The following WDR11 variants were observed in gnomAD, a reference collection of about 807,000 sequenced individuals.
The protein encoded by WDR11 is WD repeat domain 11, also known as WD repeat-containing protein 11.
WDR11 carries 83 observed loss-of-function variants against 151.2 expected under a neutral mutation model. The observed-to-expected ratio is 0.55, with a 90% CI of 0.46 to 0.66. The LOEUF (loss-of-function observed/expected upper bound fraction) is 0.66. WDR11 is among the 30% of genes least tolerant of loss of function. WDR11 has a pLI of 0.00. For missense variants in WDR11, 1,301 were observed against 1,480.9 expected (o/e 0.88, Z 1.99); for synonymous variants, 484 against 533.1 (o/e 0.91, Z 1.27).
At chr10:120,878,535 A>G (rs1181507829) in intron 12 of WDR11, 76 bp downstream of exon 12, 1 of 1,219,096 alleles carries the variant, frequency 8.2e-7, no homozygotes, top group Non-Finnish European at 1.2e-6. Context: ...GTTTGAAAGT[A>G]CTTCTTTCAC....
At chr10:120,891,774 A>C (rs1394685883) in intron 19 of WDR11, among the ~76,000 whole-genome samples, 1 of 152,200 alleles carries the variant, frequency 6.6e-6, no homozygotes, top group Non-Finnish European at 1.5e-5. Context: ...AGTTGCTGCT[A>C]ATGTTAGCAG....
chr10:120,895,358 A>C (rs1455698215), intron 19 of WDR11, among the ~76,000 whole-genome samples: 8 of 152,238 alleles, frequency 5.3e-5, no homozygotes, highest in Admixed American at 4.6e-4. Flanking sequence ...TGAAGGATGA[A>C]TAGAAAGAAA....
chr10:120,886,090 T>TA (rs1847206320), intron 15 of WDR11, 152 bp downstream of exon 15: 3 of 958,738 alleles, frequency 3.1e-6, no homozygotes, highest in Non-Finnish European at 4.7e-6. Flanking sequence ...CCCAGATTAC[T>TA]AAAAAGATAA....
At chr10:120,872,933 T>C (rs1846600057) in intron 10 of WDR11, among the ~76,000 whole-genome samples, 1 of 152,172 alleles carries the variant, frequency 6.6e-6, no homozygotes, top group Admixed American at 6.5e-5. Context: ...TTTGCATGAA[T>C]TCATTAATCT....
At chr10:120,900,428 G>A (rs1217224874) in intron 20 of WDR11, among the ~76,000 whole-genome samples, 2 of 152,118 alleles carry the variant, frequency 1.3e-5, no homozygotes, top group Non-Finnish European at 2.9e-5. Flanking sequence ...GTGTGAAGAG[G>A]GCAATGGAAG....
In WDR11 at chr10:120,899,829, A is replaced by G. The variant is rs117927392; in HGVS notation, c.2516-200A>G. On this transcript the variant is annotated intron_variant, in intron 19 of 28. Coordinates refer to ENST00000263461, the MANE Select transcript of WDR11 (RefSeq NM_018117.12). ...ATCAAAAAAGGGGGAAAAGAAAAATATGTTAATCAGATTTGAATGCAGAGA... is the reference window on the plus strand; with the variant it reads ...ATCAAAAAAGGGGGAAAAGAAAAATGTGTTAATCAGATTTGAATGCAGAGA... The G allele has an allele frequency of 1.9e-4, 115 of 597,770 alleles. No individual in the cohort carries two copies. In the East Asian group the frequency reaches 2.9e-3, roughly 15 times the overall value. The allele number at this position is 597,770 out of a possible 1,614,324, so 37.0% of individuals were successfully genotyped here.
chr10:120,864,958 A>G (rs1009208151), intron 5 of WDR11, 89 bp from the exon 6 acceptor site: 2 of 1,489,926 alleles, frequency 1.3e-6, no homozygotes, highest in African/African-American at 2.8e-5. Context: ...TTTATTGTCA[A>G]TTTTTATGTG....
At chr10:120,907,672 GTC>G (rs1434062601) in intron 28 of WDR11, 1 of 148,480 alleles carries the variant, frequency 6.7e-6, no homozygotes, top group African/African-American at 2.5e-5. Flanking sequence ...TTGAGGTAAG[GTC>G]TCACTCTTCT....
chr10:120,868,580 G>A (rs919429023), intron 9 of WDR11: 2 of 152,182 alleles, frequency 1.3e-5, no homozygotes, highest in Non-Finnish European at 2.9e-5. Flanking sequence ...GCTTTGCAAT[G>A]TAAGTAATAT....
chr10:120,900,939 A>C, intron 20 of WDR11, 97 bp from the exon 21 acceptor site: 1 of 863,998 alleles, frequency 1.2e-6, no homozygotes, highest in South Asian at 1.4e-5. Context: ...AACTACGAAG[A>C]AGGTTATCTC....
chr10:120,857,598 C>T (rs111601750), intron 2 of WDR11, among the ~76,000 whole-genome samples: 2,403 of 152,182 alleles, frequency 0.016, 23 homozygotes, highest in Non-Finnish European at 0.027. Context: ...TACAGGAAAA[C>T]CTTAAGGCCT....
intron 2 of WDR11, among the ~76,000 whole-genome samples, chr10:120,857,138 C>T (rs542364074): frequency 5.9e-5 from 9 of 152,054 alleles, no homozygotes; most frequent in East Asian, 3.9e-4. Flanking sequence ...TACTTAGAAA[C>T]GGTAGGCAGT....
At chr10:120,858,840 A>G in intron 3 of WDR11, 44 bp downstream of exon 3, 1 of 1,612,554 alleles carries the variant, frequency 6.2e-7, no homozygotes. Flanking sequence ...TGATACACTT[A>G]CTCTTGGAGT....
Position 120,865,829 on chromosome 10 carries a change from A to G in WDR11, c.994+85A>G, listed in dbSNP as rs1491000567. ...ATGTGGCAAATACCAGCCAAGGTAT[A>G]TAGTTAATGATACTCCTTGCTTTGA... On this transcript the variant is annotated intron_variant, in intron 7 of 28. Coordinates refer to ENST00000263461, the MANE Select transcript of WDR11 (RefSeq NM_018117.12). 7.1e-6 allele frequency: 6 copies of G among 848,246 alleles called. No homozygotes were observed. In the African/African-American group the frequency reaches 8.5e-5, roughly 12 times the overall value. The allele number at this position is 848,246 out of a possible 1,614,324, so 52.5% of individuals were successfully genotyped here.
intron 11 of WDR11, among the ~76,000 whole-genome samples, chr10:120,875,184 C>T (rs978765111): frequency 1.3e-5 from 2 of 152,158 alleles, no homozygotes; most frequent in Admixed American, 6.5e-5. Context: ...ATTTCTATAA[C>T]GATCCATCAG....
chr10:120,883,810 AC>A lies in WDR11; in HGVS notation c.1774del (p.Leu592TrpfsTer22). 2 of 1,613,390 alleles carry A rather than the reference AC, an allele frequency of 1.2e-6. No individual in the cohort carries two copies. Among genetic ancestry groups the A allele is most frequent in the Non-Finnish European group, 1.7e-6 (2 of 1,179,594 alleles). On this transcript the variant is annotated frameshift_variant, in exon 14 of 29. Coordinates refer to ENST00000263461, the MANE Select transcript of WDR11 (RefSeq NM_018117.12). LOFTEE classifies it high-confidence loss of function. ...ATTTGGCAGTCGTATTCAGAGATAA[AC>A]CCCTGGAGCTATGGGATGTTAGGAC... The part of the protein sequence containing the change: ...QYLAVVFRDK[P>X]LELWDVRTCT...
chr10:120,863,351 A>G (rs929952088), intron 5 of WDR11, among the ~76,000 whole-genome samples: 10 of 152,208 alleles, frequency 6.6e-5, no homozygotes, highest in African/African-American at 2.4e-4. Flanking sequence ...GATGTCTCCC[A>G]TCCTGGTTAA....
chr10:120,858,785 A>G lies in WDR11; in HGVS notation c.341A>G (p.Lys114Arg). 2 of 1,614,192 alleles carry G rather than the reference A, an allele frequency of 1.2e-6. No individual in the cohort carries two copies. Among genetic ancestry groups the G allele is most frequent in the Non-Finnish European group, 1.7e-6 (2 of 1,180,034 alleles). ...CAGTGTGAGATCCAAGAGCATGCCA[A>G]GCCTATCCAGGGTGAGGAAAGTCTG... ...VAQCEIQEHA[K>R]PIQDVQWLWN... is the part of the protein sequence containing the mutation. The change falls in exon 3 of 29, where the codon AAG (lysine) becomes AGG (arginine). Residue 114 changes from lysine to arginine, a missense_variant. By Grantham distance (26) the Lys-to-Arg change is conservative. Coordinates refer to ENST00000263461, the MANE Select transcript of WDR11 (RefSeq NM_018117.12).
Position 120,886,643 on chromosome 10 carries a change from T to TA in WDR11, c.1974-45dup, listed in dbSNP as rs753832587. 1.9e-6 allele frequency: 3 copies of TA among 1,580,602 alleles called. No homozygotes were observed. The African/African-American group carries it at 4.6e-5, about 24-fold the overall frequency. On this transcript the variant is annotated intron_variant, in intron 15 of 28. Transcript: ENST00000263461. ...AGTTAATTAATTATGAGTATCACTC[T>TA]AGGGGAAAAAAAAACATCTTTATCA... is the stretch of plus-strand genomic sequence containing the variant.
Sources: allele counts gnomAD v4.1 joint callset (sites outside exome capture counted in the v4.1 genomes callset), GRCh38; gene constraint gnomAD v4.1.1; transcripts MANE v1.5; gene names NCBI Gene and HGNC (gene_info 2026-07-23, HGNC 2026-07-21).